The following PPM1L variants were observed in gnomAD, a reference collection of about 807,000 sequenced individuals.
The protein encoded by PPM1L is protein phosphatase 1L.
Under a neutral mutation model 31.4 loss-of-function variants are expected in PPM1L, and 13 were observed. The ratio of observed to expected loss-of-function variants is 0.41; its 90% CI spans 0.27 to 0.66. The LOEUF is 0.66. Ranked by LOEUF, PPM1L falls within the 30% of genes least tolerant of loss-of-function variation. The pLI is 0.29. For synonymous variants in PPM1L, 184 were observed against 175.4 expected (o/e 1.05, Z -0.39); for missense variants, 326 against 453.7 (o/e 0.72, Z 2.56).
intron 1 of PPM1L, among the ~76,000 whole-genome samples, chr3:160,759,941 G>C (rs1382422468): frequency 6.6e-6 from 1 of 152,186 alleles, no homozygotes; most frequent in Non-Finnish European, 1.5e-5. Context: ...ATTATACCCT[G>C]TCTAGAGAAG....
rs114178952 is a variant in PPM1L, at chr3:160,834,871, T to G, written c.399+78164T>G. Among the ~76,000 whole-genome samples, 435 of 152,300 alleles carry G rather than the reference T, an allele frequency of 2.9e-3. 4 individuals are homozygous for G. Among genetic ancestry groups the G allele is most frequent in the Middle Eastern group, 0.01 (3 of 294 alleles). On this transcript the variant is annotated intron_variant, in intron 1 of 3. Transcript: ENST00000498165. ...GGATATTTCTAGTGTTGGGTTATTATGAATAATGCTGTCATGAACATTGAT... is the reference window on the plus strand; with the variant it reads ...GGATATTTCTAGTGTTGGGTTATTAGGAATAATGCTGTCATGAACATTGAT...
chr3:161,061,585 A>G (rs1327308470), intron 2 of PPM1L, among the ~76,000 whole-genome samples: 1 of 152,242 alleles, frequency 6.6e-6, no homozygotes, highest in African/African-American at 2.4e-5. Context: ...ACAATATAAC[A>G]TCATACAAAT....
At chr3:160,920,615 T>TCTCTCTCTCA (rs1389629070) in intron 1 of PPM1L, among the ~76,000 whole-genome samples, 19 of 28,700 alleles carry the variant, frequency 6.6e-4, no homozygotes, top group East Asian at 1.6e-3. Flanking sequence ...TCTCTCTCTC[T>TCTCTCTCTCA]CACACACACA....
At chr3:160,986,340 T>C (rs1419494373) in intron 2 of PPM1L, among the ~76,000 whole-genome samples, 1 of 152,156 alleles carries the variant, frequency 6.6e-6, no homozygotes, top group Non-Finnish European at 1.5e-5. Flanking sequence ...GAGGCTCCCA[T>C]ATTGGTAAGA....
chr3:160,929,304 A>G (rs1714705158), intron 1 of PPM1L, among the ~76,000 whole-genome samples: 1 of 152,196 alleles, frequency 6.6e-6, no homozygotes. Context: ...GTTGGAAATT[A>G]TCAGAGTAGA....
rs1262396280 is a variant in PPM1L, at chr3:160,962,636, T to C, written c.574+726T>C. On this transcript the variant is annotated intron_variant, in intron 2 of 3. Transcript: ENST00000498165. Reference sequence around the variant, plus strand: ...AAAGTACAGGAAAAAAGGTTTCTAATGGTCAAATGTTAATGGTATTAATTC... The same window carrying C: ...AAAGTACAGGAAAAAAGGTTTCTAACGGTCAAATGTTAATGGTATTAATTC... Among the ~76,000 whole-genome samples the C allele has an allele frequency of 2.0e-5, 3 of 152,066 alleles. No homozygotes were observed. The East Asian group carries it at 5.8e-4, about 29-fold the overall frequency.
rs760907219 is a variant in PPM1L, at chr3:161,031,502, C to CTTTTT, written c.575-33889_575-33885dup. 9.5e-4 allele frequency among the ~76,000 whole-genome samples: 97 copies of CTTTTT among 101,666 alleles called. 8 individuals are homozygous for CTTTTT. Among genetic ancestry groups the CTTTTT allele is most frequent in the African/African-American group, 3.5e-3 (80 of 22,844 alleles). The allele number at this position is 101,666 out of a possible 152,430, so 66.7% of individuals were successfully genotyped here. A position where few individuals can be genotyped will look rare whatever the true frequency, so the allele number is the denominator to read the frequency against. ...GTGAATGGCAGCTATGTATTCTGTC[C>CTTTTT]TTTTTTTTTTTTTTTTGAGAGAGAG... is the stretch of plus-strand genomic sequence containing the variant. On this transcript the variant is annotated intron_variant, in intron 2 of 3. Coordinates refer to ENST00000498165, the MANE Select transcript of PPM1L (RefSeq NM_139245.4).
In PPM1L at chr3:160,901,485, C is replaced by T. The variant is rs1713540878; in HGVS notation, c.400-60251C>T. Among the ~76,000 whole-genome samples the T allele has an allele frequency of 2.0e-5, 3 of 152,122 alleles. No homozygotes were observed. In the South Asian group the frequency reaches 6.2e-4, roughly 32 times the overall value. The stretch of plus-strand genomic sequence containing the variant: ...TAAACTCATCTTCCCCTAAAATTCT[C>T]CTCCTCACCCAGTCATATTGGTCTA... On this transcript the variant is annotated intron_variant, in intron 1 of 3. Coordinates refer to ENST00000498165, the MANE Select transcript of PPM1L (RefSeq NM_139245.4).
At chr3:161,058,562 A>G (rs1343215948) in intron 2 of PPM1L, among the ~76,000 whole-genome samples, 4 of 152,074 alleles carry the variant, frequency 2.6e-5, no homozygotes, top group African/African-American at 7.2e-5. Flanking sequence ...ACTTTTTATC[A>G]TAGTGCTTTG....
chr3:161,036,276 A>C (rs941166442), intron 2 of PPM1L, among the ~76,000 whole-genome samples: 1 of 152,188 alleles, frequency 6.6e-6, no homozygotes, highest in Non-Finnish European at 1.5e-5. Flanking sequence ...AAAAATCATA[A>C]AGATTTGAGG....
intron 2 of PPM1L, among the ~76,000 whole-genome samples, chr3:160,997,367 A>G (rs900514192): frequency 7.9e-5 from 12 of 152,206 alleles, no homozygotes; most frequent in African/African-American, 2.9e-4. Flanking sequence ...ACCAGTTATC[A>G]AATGATGAAG....
At chr3:161,032,145 C>T (rs1718586054) in intron 2 of PPM1L, among the ~76,000 whole-genome samples, 1 of 152,192 alleles carries the variant, frequency 6.6e-6, no homozygotes, top group Non-Finnish European at 1.5e-5. Flanking sequence ...AAAGAGATTT[C>T]ACCAAATGGT....
chr3:161,056,133 G>A (rs1373135238), intron 2 of PPM1L, among the ~76,000 whole-genome samples: 1 of 152,102 alleles, frequency 6.6e-6, no homozygotes, highest in Non-Finnish European at 1.5e-5. Flanking sequence ...GATCTTAATT[G>A]GCACCCAAGG....
intron 2 of PPM1L, among the ~76,000 whole-genome samples, chr3:160,970,526 T>G (rs1458964556): frequency 4.0e-5 from 6 of 149,750 alleles, no homozygotes; most frequent in Non-Finnish European, 8.9e-5. Flanking sequence ...CTTGGCTCAC[T>G]GCAACCTCCG....
chr3:160,912,820 T>C (rs1714021311), intron 1 of PPM1L, among the ~76,000 whole-genome samples: 1 of 152,164 alleles, frequency 6.6e-6, no homozygotes, highest in Non-Finnish European at 1.5e-5. Context: ...GAAAAATAAA[T>C]GATCCCTTCC....
chr3:160,778,676 T>A (rs1221148694), intron 1 of PPM1L, among the ~76,000 whole-genome samples: 1 of 152,148 alleles, frequency 6.6e-6, no homozygotes, highest in African/African-American at 2.4e-5. Context: ...ACAAGGGGAT[T>A]TTTGATAATG....
intron 1 of PPM1L, among the ~76,000 whole-genome samples, chr3:160,936,766 T>C (rs1714986180): frequency 6.6e-6 from 1 of 152,228 alleles, no homozygotes; most frequent in Non-Finnish European, 1.5e-5. Flanking sequence ...AATCCATTTG[T>C]CGTCATTATA....
intron 1 of PPM1L, among the ~76,000 whole-genome samples, chr3:160,810,882 G>C (rs1712784395): frequency 6.6e-6 from 1 of 152,096 alleles, no homozygotes. Context: ...CAGATTTCAG[G>C]GATATTCAAA....
chr3:160,880,751 C>T (rs1158650418), intron 1 of PPM1L, among the ~76,000 whole-genome samples: 5 of 152,058 alleles, frequency 3.3e-5, no homozygotes, highest in South Asian at 2.1e-4. Flanking sequence ...TCTCACCTGC[C>T]GAAAGTTTAA....
Sources: gnomAD v4.1 joint callset for allele counts (sites outside exome capture counted in the v4.1 genomes callset) on GRCh38, gnomAD v4.1.1 for gene constraint, MANE v1.5 for transcripts, NCBI Gene and HGNC (gene_info 2026-07-23, HGNC 2026-07-21) for gene names.